The following STT3B variants were observed in gnomAD, a reference collection of about 807,000 sequenced individuals.
STT3B encodes STT3 oligosaccharyltransferase complex catalytic subunit B, also known as dolichyl-diphosphooligosaccharide--protein glycosyltransferase subunit STT3B.
Under a neutral mutation model 96.8 loss-of-function variants are expected in STT3B, and 29 were observed. That is an observed-to-expected ratio of 0.30 (90% CI 0.22 to 0.41). The LOEUF (loss-of-function observed/expected upper bound fraction) is 0.41. STT3B is among the 10% of genes least tolerant of loss of function. The pLI, the probability that STT3B is intolerant of heterozygous loss-of-function variation, is 1.00. For synonymous variants in STT3B, 367 were observed against 360.0 expected (o/e 1.02, Z -0.22); for missense variants, 640 against 1,022.3 (o/e 0.63, Z 5.10).
At position 31,576,409 on chromosome 3, in the gene STT3B, T is replaced by A. The variant is rs1698264007; in HGVS notation, c.328T>A (p.Ser110Thr). Residue 110 changes from serine to threonine, a missense_variant, in exon 2 of 16, where the codon TCA becomes ACA. Ser to Thr is a moderately conservative substitution (Grantham distance 58). This residue lies in a region of STT3B where 267 missense variants were observed against 388.3 expected (regional missense o/e 0.69). Coordinates refer to ENST00000295770, the MANE Select transcript of STT3B (RefSeq NM_178862.3). Reference protein sequence around the residue: ...HEFDPWFNYRSTHHLASHGFY... With the variant: ...HEFDPWFNYRTTHHLASHGFY... ...TCTTTTCTCTAGGTTTAACTATAGA[T>A]CAACACATCATCTTGCATCTCATGG... The A allele has an allele frequency of 3.8e-6, 6 of 1,592,314 alleles. No homozygotes were observed. Among genetic ancestry groups the A allele is most frequent in the Non-Finnish European group, 5.1e-6 (6 of 1,167,668 alleles).
At chr3:31,558,215 A>G (rs1697771105) in intron 1 of STT3B, among the ~76,000 whole-genome samples, 1 of 152,178 alleles carries the variant, frequency 6.6e-6, no homozygotes, top group Non-Finnish European at 1.5e-5. Flanking sequence ...ATCCAGTAGT[A>G]TGTTGAATAG....
intron 1 of STT3B, among the ~76,000 whole-genome samples, chr3:31,562,475 G>C (rs912345955): frequency 6.6e-6 from 1 of 152,150 alleles, no homozygotes; most frequent in African/African-American, 2.4e-5. Context: ...TTGCTTTGGT[G>C]GGGGTATGGA....
chr3:31,630,646 T>G (rs1370374864), intron 14 of STT3B, among the ~76,000 whole-genome samples: 5 of 152,216 alleles, frequency 3.3e-5, no homozygotes, highest in Non-Finnish European at 7.4e-5. Flanking sequence ...TATTTCTGTA[T>G]TGCTCTCTGG....
chr3:31,571,822 T>C (rs1431507656), intron 1 of STT3B, among the ~76,000 whole-genome samples: 1 of 151,456 alleles, frequency 6.6e-6, no homozygotes, highest in Non-Finnish European at 1.5e-5. Context: ...TTTGCATGAA[T>C]GAAAATAATC....
At chr3:31,623,963 G>A in intron 11 of STT3B, 102 bp downstream of exon 11, 1 of 1,007,464 alleles carries the variant, frequency 9.9e-7, no homozygotes, top group South Asian at 2.2e-5. Flanking sequence ...GTGAGATTCT[G>A]CATTTGCTTG....
intron 14 of STT3B, among the ~76,000 whole-genome samples, chr3:31,632,060 TGCCCAGGCTGGTCTTGAACTCCTGG>T (rs1194137571): frequency 1.3e-5 from 2 of 151,520 alleles, no homozygotes; most frequent in Non-Finnish European, 2.9e-5. Flanking sequence ...CTTGCTATGT[TGCCCAGGCTGGTCTTGAACTCCTGG>T]GCTCAGGCCA....
At chr3:31,628,753 G>A (rs1484401299) in intron 13 of STT3B, among the ~76,000 whole-genome samples, 1 of 152,178 alleles carries the variant, frequency 6.6e-6, no homozygotes, top group Admixed American at 6.5e-5. Context: ...TAACGGAGAT[G>A]AGGATGGGTA....
intron 1 of STT3B, among the ~76,000 whole-genome samples, chr3:31,554,915 A>G (rs906130317): frequency 1.3e-5 from 2 of 152,172 alleles, no homozygotes; most frequent in East Asian, 1.9e-4. Context: ...ATTGACCATC[A>G]GTATGTATTT....
At position 31,560,590 on chromosome 3, in the gene STT3B, G is replaced by T. The variant is rs192402427; in HGVS notation, c.315-15806G>T. ...CAATACATTATCCCTTTCTTTCCTG[G>T]CCTATAAGTTTCTGCTAAGAAATCT... On this transcript the variant is annotated intron_variant, in intron 1 of 15. Coordinates refer to ENST00000295770, the MANE Select transcript of STT3B (RefSeq NM_178862.3). Among the ~76,000 whole-genome samples the T allele has an allele frequency of 4.0e-5, 6 of 151,736 alleles. No individual in the cohort carries two copies. The East Asian group carries it at 1.2e-3, about 29-fold the overall frequency.
chr3:31,606,833 A>G lies in STT3B; in HGVS notation c.877+6374A>G, dbSNP rs192920230. Reference sequence around the variant, plus strand: ...CACTGACAGCTTGCACCATGCGCCTAGAAAAGCTGCAGACACTCAATGCTA... The same window carrying G: ...CACTGACAGCTTGCACCATGCGCCTGGAAAAGCTGCAGACACTCAATGCTA... On this transcript the variant is annotated intron_variant, in intron 5 of 15. Coordinates refer to ENST00000295770, the MANE Select transcript of STT3B (RefSeq NM_178862.3). Among the ~76,000 whole-genome samples, 398 of 152,330 alleles carry G rather than the reference A, an allele frequency of 2.6e-3. 2 individuals carry two copies. Among genetic ancestry groups the G allele is most frequent in the Admixed American group, 4.0e-3 (61 of 15,308 alleles).
intron 1 of STT3B, among the ~76,000 whole-genome samples, chr3:31,554,805 C>T (rs886267790): frequency 8.5e-5 from 13 of 152,096 alleles, no homozygotes; most frequent in African/African-American, 2.9e-4. Flanking sequence ...TCTATTTTCT[C>T]TAAGATTTTT....
At chr3:31,620,060 A>T in intron 9 of STT3B, 10 of 1,034,180 alleles carry the variant, frequency 9.7e-6, no homozygotes, top group Non-Finnish European at 1.3e-5. Flanking sequence ...GGATCACCTG[A>T]GGTCAGGAGT....
chr3:31,607,622 A>G lies in STT3B; in HGVS notation c.877+7163A>G, dbSNP rs187582932. On this transcript the variant is annotated intron_variant, in intron 5 of 15. Transcript: ENST00000295770. ...ATTGCCTAGTCTCAGGTATGTCTTT[A>G]TCAGCAGTATGAGAACAGACTGATC... is the stretch of plus-strand genomic sequence containing the variant. Among the ~76,000 whole-genome samples the G allele has an allele frequency of 1.8e-3, 270 of 152,318 alleles. 1 individual carries two copies. The highest frequency in any genetic ancestry group is 6.1e-3 in the African/African-American group (253 of 41,568).
At chr3:31,618,099 C>A (rs776788030) in intron 8 of STT3B, 111 bp downstream of exon 8, 4 of 753,954 alleles carry the variant, frequency 5.3e-6, no homozygotes, top group Middle Eastern at 2.4e-4. Flanking sequence ...CTTCTAAGTA[C>A]CAAAGATGCT....
intron 1 of STT3B, among the ~76,000 whole-genome samples, chr3:31,538,114 C>T (rs904911547): frequency 3.3e-5 from 5 of 151,994 alleles, no homozygotes; most frequent in African/African-American, 1.2e-4. Context: ...TTATAGTGAA[C>T]ACTCATATAC....
At chr3:31,617,861 G>A in intron 7 of STT3B, 79 bp from the exon 8 acceptor site, 3 of 955,834 alleles carry the variant, frequency 3.1e-6, no homozygotes, top group South Asian at 2.7e-5. Flanking sequence ...TCTATAATTA[G>A]CAATAAACAT....
At chr3:31,629,672 A>G (rs946095313) in intron 14 of STT3B, among the ~76,000 whole-genome samples, 5 of 152,220 alleles carry the variant, frequency 3.3e-5, no homozygotes, top group Non-Finnish European at 5.9e-5. Context: ...CCATCTCACC[A>G]TTAGAACTCA....
chr3:31,600,293 G>T, intron 4 of STT3B, 67 bp from the exon 5 acceptor site: 3 of 661,482 alleles, frequency 4.5e-6, no homozygotes, highest in Admixed American at 2.9e-5. Context: ...TGTATGTTTA[G>T]ATTCCTAAAT....
intron 2 of STT3B, among the ~76,000 whole-genome samples, chr3:31,579,124 G>A (rs891664647): frequency 1.2e-4 from 19 of 152,036 alleles, no homozygotes; most frequent in Non-Finnish European, 8.8e-5. Flanking sequence ...GTGAGGGTAC[G>A]TATAACTGTT....
Sources: gnomAD v4.1 joint callset for allele counts (sites outside exome capture counted in the v4.1 genomes callset) on GRCh38, gnomAD v4.1.1 for gene constraint, gnomAD v4.1.1 regional missense constraint, MANE v1.5 for transcripts, NCBI Gene and HGNC (gene_info 2026-07-23, HGNC 2026-07-21) for gene names.